Variants in MINK1 observed in about 807,000 individuals in gnomAD.
MINK1 encodes misshapen-like kinase 1.
MINK1 carries 46 observed loss-of-function variants against 178.4 expected under a neutral mutation model. The ratio of observed to expected loss-of-function variants is 0.26; its 90% CI spans 0.20 to 0.33. MINK1 has a LOEUF of 0.33. MINK1 is among the 10% of genes least tolerant of loss of function. The pLI is 1.00. For missense variants in MINK1, 1,366 were observed against 1,814.9 expected, an observed-to-expected ratio of 0.75 and a Z score of 4.49; for synonymous variants, 797 against 709.7, an observed-to-expected ratio of 1.12 and a Z score of -1.96.
intron 5 of MINK1, 87 bp downstream of exon 5, chr17:4,884,560 G>A (rs1779381364): frequency 6.9e-6 from 7 of 1,013,070 alleles, no homozygotes; most frequent in African/African-American, 1.6e-5. Context: ...TGCGCTGGGA[G>A]GAGACATCAC....
rs1214843965 is a variant in MINK1, at chr17:4,892,824, A to G, written c.2311+56A>G. 1.0e-5 allele frequency: 15 copies of G among 1,499,240 alleles called. No homozygotes were observed. The East Asian group carries it at 2.3e-4, about 23-fold the overall frequency. The allele number at this position is 1,499,240 out of a possible 1,614,324, so 92.9% of individuals were successfully genotyped here. A position where few individuals can be genotyped will look rare whatever the true frequency, so the allele number is the denominator to read the frequency against. ...TGGGCCTGGGGGCTTATCACCATGGACCCTGCCTTTGGTGGCTTTGGACTG... is the reference window on the plus strand; with the variant it reads ...TGGGCCTGGGGGCTTATCACCATGGGCCCTGCCTTTGGTGGCTTTGGACTG... On this transcript the variant is annotated intron_variant, in intron 19 of 31. Transcript: ENST00000355280.
At chr17:4,861,741 T>C in intron 1 of MINK1, 1 of 216,602 alleles carries the variant, frequency 4.6e-6, no homozygotes, top group Non-Finnish European at 9.9e-6. Context: ...CCTCAGGTAA[T>C]CCACTCGCCT....
intron 12 of MINK1, among the ~76,000 whole-genome samples, chr17:4,889,277 C>G (rs1407433344): frequency 6.6e-6 from 1 of 152,160 alleles, no homozygotes; most frequent in Admixed American, 6.5e-5. Flanking sequence ...GCTATCACTA[C>G]GACCCGCTCT....
At chr17:4,851,574 G>T (rs1466407395) in intron 1 of MINK1, among the ~76,000 whole-genome samples, 1 of 151,938 alleles carries the variant, frequency 6.6e-6, no homozygotes, top group Admixed American at 6.6e-5. Context: ...TTTCCACTGC[G>T]CTGAGCTCTT....
Position 4,893,982 on chromosome 17 carries a change from T to A in MINK1, c.2565-6T>A. 1 of 1,564,868 alleles carries A rather than the reference T, an allele frequency of 6.4e-7. No homozygotes were observed. The highest frequency in any genetic ancestry group is 1.2e-5 in the South Asian group (1 of 84,768). On this transcript the variant is annotated splice_polypyrimidine_tract_variant and splice_region_variant and intron_variant, in intron 21 of 31. Transcript: ENST00000355280. ...CCTGGAGGGGCCCCACCTTCCTCTC[T>A]CACAGCAGCGATGGGGATACAGACA...
At position 4,885,637 on chromosome 17, in the gene MINK1, A is replaced by G; in HGVS notation, c.639+24A>G. On this transcript the variant is annotated intron_variant, in intron 7 of 31. Transcript: ENST00000355280. This position sits in a 1 kb window ranked among gnomAD's most constrained non-coding sequence, Gnocchi z 5.0. ...GGGTATGGAGTGGAAAGTTGGGAGC[A>G]TGGGGGCTGCCAAGGGCGGGAAGCA... 6.2e-7 allele frequency: 1 copy of G among 1,613,422 alleles called. No homozygotes were observed. The highest frequency in any genetic ancestry group is 8.5e-7 in the Non-Finnish European group (1 of 1,179,590).
In MINK1 at chr17:4,887,863, G is replaced by C. The variant is rs548851185; in HGVS notation, c.1230+73G>C. On this transcript the variant is annotated intron_variant, in intron 12 of 31. Coordinates refer to ENST00000355280, the MANE Select transcript of MINK1 (RefSeq NM_153827.5). This position sits in a 1 kb window ranked among gnomAD's most constrained non-coding sequence, Gnocchi z 7.6. The stretch of plus-strand genomic sequence containing the variant: ...CTGCCCCGGGTCCATTAGGGCCTTG[G>C]AGAACAGGTTTTAAAATGCCTTAAA... 3.0e-5 allele frequency: 38 copies of C among 1,254,752 alleles called. No homozygotes were observed. In the African/African-American group the frequency reaches 5.1e-4, roughly 17 times the overall value. The allele number at this position is 1,254,752 out of a possible 1,614,324, so 77.7% of individuals were successfully genotyped here. A position where few individuals can be genotyped will look rare whatever the true frequency, so the allele number is the denominator to read the frequency against.
chr17:4,858,296 G>A lies in MINK1; in HGVS notation c.58-20021G>A, dbSNP rs148010056. ...ACAGGCCTATTGTTTTCATCTGGGA[G>A]GGGGGAGGGCCTCCCAGGCCAGCTC... is the stretch of plus-strand genomic sequence containing the variant. On this transcript the variant is annotated intron_variant, in intron 1 of 31. Transcript: ENST00000355280. Among the ~76,000 whole-genome samples the A allele has an allele frequency of 3.3e-5, 5 of 151,934 alleles. 1 individual carries two copies. The highest frequency in any genetic ancestry group is 1.3e-4 in the Admixed American group (2 of 15,246).
In MINK1 at chr17:4,895,590, G is replaced by A. The variant is rs1232087364; in HGVS notation, c.3229+97G>A. 6.5e-7 allele frequency: 1 copy of A among 1,547,986 alleles called. No individual in the cohort carries two copies. Among genetic ancestry groups the A allele is most frequent in the East Asian group, 2.3e-5 (1 of 43,628 alleles). On this transcript the variant is annotated intron_variant, in intron 26 of 31. Coordinates refer to ENST00000355280, the MANE Select transcript of MINK1 (RefSeq NM_153827.5). The surrounding 1 kb of genome is among the most constrained non-coding windows in gnomAD (Gnocchi z 4.3). The stretch of plus-strand genomic sequence containing the variant: ...AGGAGGGCAGGCACTGGAAGGTGGG[G>A]CCACACTTTCTCACCCCTTGTGGTA...
At chr17:4,851,636 A>C in intron 1 of MINK1, among the ~76,000 whole-genome samples, 1 of 150,726 alleles carries the variant, frequency 6.6e-6, no homozygotes, top group African/African-American at 2.4e-5. Flanking sequence ...TTGTCTCCCG[A>C]CCTCTTTGGG....
In MINK1 at chr17:4,890,557, A is replaced by G; in HGVS notation, c.1388A>G (p.Glu463Gly). The G allele has an allele frequency of 6.3e-7, 1 of 1,588,548 alleles. No individual in the cohort carries two copies. Residue 463 changes from glutamate to glycine, a missense_variant, in exon 14 of 32, where the codon GAA becomes GGA. This residue lies in a region of MINK1 where 87 missense variants were observed against 78.9 expected (regional missense o/e 1.10). Coordinates refer to ENST00000355280, the MANE Select transcript of MINK1 (RefSeq NM_153827.5). ...RKQLEEQRQS[E>G]RLQRQLQQEH... ...CAGCTGGAGGAGCAGCGGCAGTCAG[A>G]ACGTCTCCAGAGGCAGCTGCAGCAG...
chr17:4,864,773 A>T (rs569041238), intron 1 of MINK1, among the ~76,000 whole-genome samples: 1 of 152,322 alleles, frequency 6.6e-6, no homozygotes, highest in South Asian at 2.1e-4. Context: ...GATCTCTGAG[A>T]TGGCCGATAT....
chr17:4,892,981 T>C lies in MINK1; in HGVS notation c.2314T>C (p.Ser772Pro). 1 of 1,566,574 alleles carries C rather than the reference T, an allele frequency of 6.4e-7. No homozygotes were observed. The highest frequency in any genetic ancestry group is 8.6e-7 in the Non-Finnish European group (1 of 1,157,368). Reference protein sequence around the residue: ...GSLERNRVGVSSKPDSSPVLS... With the variant: ...GSLERNRVGVPSKPDSSPVLS... ...CCTTCTTCCACCCTGCCGTCCAGTC[T>C]CCTCCAAACCGGACAGCTCCCCTGT... is the stretch of plus-strand genomic sequence containing the variant. Residue 772 changes from serine to proline, a missense_variant and splice_region_variant, in exon 20 of 32, where the codon TCC becomes CCC. Transcript: ENST00000355280.
rs939404488 is a variant in MINK1, at chr17:4,892,488, C to T, written c.2174C>T (p.Pro725Leu). The change falls in exon 18 of 32, where the codon CCC (proline) becomes CTC (leucine). Residue 725 changes from proline to leucine, a missense_variant. Around this residue, in one of 14 missense-constraint regions of MINK1, gnomAD observed 709 missense variants for 692.3 expected, o/e 1.02. Coordinates refer to ENST00000355280, the MANE Select transcript of MINK1 (RefSeq NM_153827.5). ...AAGCCTCCAGGGCCCCCTGCTCAGC[C>T]CCCTGGCCCGCCCAACGCCTCTAGG... ...TPKPPGPPAQ[P>L]PGPPNASSNP... 3 of 1,562,298 alleles carry T rather than the reference C, an allele frequency of 1.9e-6. No homozygotes were observed. Among genetic ancestry groups the T allele is most frequent in the Admixed American group, 3.8e-5 (2 of 52,826 alleles).
chr17:4,887,710 G>A lies in MINK1; in HGVS notation c.1150G>A (p.Glu384Lys), dbSNP rs759540996. 2.3e-5 allele frequency: 36 copies of A among 1,557,638 alleles called. No homozygotes were observed. Among genetic ancestry groups the A allele is most frequent in the African/African-American group, 5.5e-5 (4 of 73,112 alleles). The change falls in exon 12 of 32, where the codon GAG becomes AAG. Residue 384 changes from glutamate (E) to lysine (K), a missense_variant. Physicochemically the swap from Glu to Lys is moderately conservative, Grantham distance 56 (BLOSUM62 1). Transcript: ENST00000355280. This position sits in a 1 kb window ranked among gnomAD's most constrained non-coding sequence, Gnocchi z 7.6. The stretch of plus-strand genomic sequence containing the variant: ...GCAGCAGCAGCAGCAGCGAGACCCC[G>A]AGGCACACATCAAACACCTGCTGCA... ...QLQQQQQRDPEAHIKHLLHQR... is the reference protein window; with the variant it reads ...QLQQQQQRDPKAHIKHLLHQR...
chr17:4,843,420 G>A (rs1284677328), intron 1 of MINK1, among the ~76,000 whole-genome samples: 1 of 151,932 alleles, frequency 6.6e-6, no homozygotes, highest in Non-Finnish European at 1.5e-5. Context: ...GGAGGTTGCA[G>A]TGAGCCTAGA....
At chr17:4,889,941 C>T (rs976424400) in intron 13 of MINK1, 178 bp downstream of exon 13, 2 of 602,888 alleles carry the variant, frequency 3.3e-6, no homozygotes, top group Non-Finnish European at 5.8e-6. Context: ...GACCCCCTCC[C>T]TCTTCCTTCC....
In MINK1 at chr17:4,896,431, C is replaced by T. The variant is rs1249715379; in HGVS notation, c.3618C>T (p.Ile1206=). ...CTAGTCCCCCTCCTTCTCCCCAGATCCAGAGCCAGATCACGCCCCATGCCA... is the reference window on the plus strand; with the variant it reads ...CTAGTCCCCCTCCTTCTCCCCAGATTCAGAGCCAGATCACGCCCCATGCCA... ...NSYDIYIPVH[I]QSQITPHAII... is the part of the protein sequence containing the mutation. Residue 1206 remains isoleucine (I), a splice_region_variant and synonymous_variant, in exon 30 of 32, where the codon ATC becomes ATT. Coordinates refer to ENST00000355280, the MANE Select transcript of MINK1 (RefSeq NM_153827.5). The surrounding 1 kb of genome is among the most constrained non-coding windows in gnomAD (Gnocchi z 4.6). 5.0e-6 allele frequency: 8 copies of T among 1,613,656 alleles called. No homozygotes were observed. The highest frequency in any genetic ancestry group is 1.1e-5 in the South Asian group (1 of 91,048).
chr17:4,863,988 C>T (rs1286574371), intron 1 of MINK1, among the ~76,000 whole-genome samples: 4 of 151,810 alleles, frequency 2.6e-5, no homozygotes, highest in Non-Finnish European at 4.4e-5. Context: ...GGGGTTTCAC[C>T]ATGTTGGTCA....
Sources: gnomAD v4.1 joint callset for allele counts (sites outside exome capture counted in the v4.1 genomes callset) on GRCh38, gnomAD v4.1.1 for gene constraint, gnomAD v4.1.1 regional missense constraint, Gnocchi (gnomAD v3.1) non-coding constraint, MANE v1.5 for transcripts, NCBI Gene and HGNC (gene_info 2026-07-23, HGNC 2026-07-21) for gene names.